The following GRM7 variants were observed in gnomAD, a reference collection of about 807,000 sequenced individuals.
GRM7 encodes the protein glutamate metabotropic receptor 7, also known as metabotropic glutamate receptor 7.
GRM7 carries 35 observed loss-of-function variants against 84.5 expected under a neutral mutation model. The ratio of observed to expected loss-of-function variants is 0.41; its 90% CI spans 0.32 to 0.55. The LOEUF (loss-of-function observed/expected upper bound fraction) is 0.55, where lower values mean the gene tolerates loss of function less well. GRM7 is among the 20% of genes least tolerant of loss of function. The pLI is 0.19. For synonymous variants in GRM7, 487 were observed against 455.1 expected, an observed-to-expected ratio of 1.07 and a Z score of -0.89; for missense variants, 1,003 against 1,194.6, an observed-to-expected ratio of 0.84 and a Z score of 2.36.
At chr3:7,012,145 C>G (rs9311969) in intron 1 of GRM7, among the ~76,000 whole-genome samples, 2,758 of 152,136 alleles carry the variant, frequency 0.018, 70 homozygotes, top group African/African-American at 0.063. Flanking sequence ...CCCTAGAGAT[C>G]AAATGGATTG....
At chr3:7,238,332 G>T (rs551061059) in intron 2 of GRM7, among the ~76,000 whole-genome samples, 7 of 152,176 alleles carry the variant, frequency 4.6e-5, no homozygotes, top group South Asian at 2.1e-4. Flanking sequence ...ATTTTCTTCT[G>T]CCAGATCCTT....
intron 4 of GRM7, among the ~76,000 whole-genome samples, chr3:7,412,524 C>G (rs971767715): frequency 2.6e-5 from 4 of 152,154 alleles, no homozygotes; most frequent in Non-Finnish European, 4.4e-5. Context: ...GTTTTGCAGT[C>G]TCTTGTCTCA....
At chr3:7,414,790 A>G (rs1164317398) in intron 4 of GRM7, among the ~76,000 whole-genome samples, 1 of 152,114 alleles carries the variant, frequency 6.6e-6, no homozygotes, top group Non-Finnish European at 1.5e-5. Context: ...TCTCACCTAC[A>G]AATGGAAATT....
At chr3:6,931,867 ACT>A (rs1697513285) in intron 1 of GRM7, among the ~76,000 whole-genome samples, 1 of 152,230 alleles carries the variant, frequency 6.6e-6, no homozygotes, top group African/African-American at 2.4e-5. Context: ...GGGGATTCCA[ACT>A]TAATCAAATA....
intron 9 of GRM7, among the ~76,000 whole-genome samples, chr3:7,692,812 T>G (rs1216634730): frequency 1.3e-5 from 2 of 152,222 alleles, no homozygotes; most frequent in Non-Finnish European, 2.9e-5. Flanking sequence ...TAGGGTAAAA[T>G]GTCTCAGTCT....
At chr3:7,598,350 A>G (rs1377179160) in intron 8 of GRM7, among the ~76,000 whole-genome samples, 1 of 152,182 alleles carries the variant, frequency 6.6e-6, no homozygotes, top group Non-Finnish European at 1.5e-5. Flanking sequence ...TGAGGAGCAC[A>G]TGGATATCTG....
chr3:7,539,637 T>A (rs1291280786), intron 7 of GRM7, among the ~76,000 whole-genome samples: 1 of 137,326 alleles, frequency 7.3e-6, no homozygotes, highest in Non-Finnish European at 1.5e-5. Flanking sequence ...ATCGCGCCAC[T>A]GCACTCCAGC....
intron 6 of GRM7, among the ~76,000 whole-genome samples, 180 bp downstream of exon 6, chr3:7,452,987 T>C (rs1040152824): frequency 3.3e-5 from 5 of 151,978 alleles, no homozygotes; most frequent in Admixed American, 2.6e-4. Flanking sequence ...AGTTAAGATA[T>C]ATTTGGGGGT....
intron 7 of GRM7, among the ~76,000 whole-genome samples, chr3:7,518,254 C>T (rs12495937): frequency 6.6e-6 from 1 of 152,024 alleles, no homozygotes; most frequent in Non-Finnish European, 1.5e-5. Flanking sequence ...ATTTCCAAGG[C>T]GTCAGGGAAT....
chr3:7,033,710 G>T (rs1001956506), intron 1 of GRM7, among the ~76,000 whole-genome samples: 4 of 152,028 alleles, frequency 2.6e-5, no homozygotes, highest in African/African-American at 9.7e-5. Context: ...AAGCAGAACA[G>T]GATGGCTAAC....
chr3:7,015,819 G>GA (rs1376526105), intron 1 of GRM7, among the ~76,000 whole-genome samples: 1 of 152,184 alleles, frequency 6.6e-6, no homozygotes, highest in Admixed American at 6.5e-5. Context: ...AGTGATGTAA[G>GA]AGAGAGCAAG....
chr3:7,486,764 C>T lies in GRM7; in HGVS notation c.1515+25042C>T, dbSNP rs1699338484. Among the ~76,000 whole-genome samples, 1 of 152,142 alleles carries T rather than the reference C, an allele frequency of 6.6e-6. No homozygotes were observed. Among genetic ancestry groups the T allele is most frequent in the Non-Finnish European group, 1.5e-5 (1 of 68,030 alleles). On this transcript the variant is annotated intron_variant, in intron 7 of 9. Coordinates refer to ENST00000357716, the MANE Select transcript of GRM7 (RefSeq NM_000844.4). The surrounding 1 kb of genome is among the most constrained non-coding windows in gnomAD (Gnocchi z 5.5). ...TGCAGCCTCAGGTATTCTACTACAG[C>T]AACACCAAAGAAACTAAGAAAATGG...
chr3:7,060,932 C>T (rs962119632), intron 1 of GRM7, among the ~76,000 whole-genome samples: 7 of 151,780 alleles, frequency 4.6e-5, no homozygotes, highest in Admixed American at 4.0e-4. Context: ...CTTTCACAGT[C>T]ATACTGGGTG....
chr3:7,532,720 C>A (rs757663205), intron 7 of GRM7, among the ~76,000 whole-genome samples: 3 of 138,488 alleles, frequency 2.2e-5, no homozygotes, highest in Admixed American at 7.8e-5. Context: ...GTTAGGGTGT[C>A]AATTTTAGAT....
At chr3:7,646,508 T>G (rs1466257979) in intron 8 of GRM7, among the ~76,000 whole-genome samples, 7 of 152,172 alleles carry the variant, frequency 4.6e-5, no homozygotes, top group African/African-American at 1.4e-4. Context: ...AGTCAATTTT[T>G]AAGCCATCAT....
intron 5 of GRM7, among the ~76,000 whole-genome samples, chr3:7,433,226 A>T (rs1347387693): frequency 6.6e-6 from 1 of 152,208 alleles, no homozygotes; most frequent in East Asian, 1.9e-4. Flanking sequence ...AGAATCAAGA[A>T]GTCTACATAA....
chr3:7,092,514 TG>T (rs1698701289), intron 1 of GRM7, among the ~76,000 whole-genome samples: 1 of 152,048 alleles, frequency 6.6e-6, no homozygotes, highest in Non-Finnish European at 1.5e-5. Flanking sequence ...AATAGTCAAA[TG>T]CTTACTGACA....
At chr3:7,670,248 A>C (rs2125131596) in intron 8 of GRM7, among the ~76,000 whole-genome samples, 1 of 152,298 alleles carries the variant, frequency 6.6e-6, no homozygotes, top group South Asian at 2.1e-4. Flanking sequence ...GAAAAGAGGA[A>C]GCTGAAGGGC....
chr3:7,692,513 C>G (rs969809462), intron 9 of GRM7, among the ~76,000 whole-genome samples: 4 of 152,098 alleles, frequency 2.6e-5, no homozygotes, highest in African/African-American at 9.7e-5. Flanking sequence ...ATGGGACCAC[C>G]CTGGGGGGCC....
Sources: allele counts gnomAD v4.1 joint callset (sites outside exome capture counted in the v4.1 genomes callset), GRCh38; gene constraint gnomAD v4.1.1; non-coding constraint Gnocchi (gnomAD v3.1); transcripts MANE v1.5; gene names NCBI Gene and HGNC (gene_info 2026-07-23, HGNC 2026-07-21).